NEGR1: variants seen among roughly 807,000 people sequenced by gnomAD.
NEGR1 encodes the protein neuronal growth regulator 1.
Under a neutral mutation model 40.9 loss-of-function variants are expected in NEGR1, and 10 were observed. The observed-to-expected ratio is 0.24, with a 90% CI of 0.15 to 0.42. The LOEUF is 0.42. Ranked by LOEUF, NEGR1 falls within the 10% of genes least tolerant of loss-of-function variation. The probability of loss-of-function intolerance (pLI) is 1.00; values close to 1 mark genes in which losing one functional copy is unlikely to be tolerated. For synonymous variants in NEGR1, 185 were observed against 166.8 expected, an observed-to-expected ratio of 1.11 and a Z score of -0.84; for missense variants, 352 against 438.9, an observed-to-expected ratio of 0.80 and a Z score of 1.77.
At chr1:72,102,393 T>G (rs2100247882) in intron 1 of NEGR1, among the ~76,000 whole-genome samples, 1 of 152,108 alleles carries the variant, frequency 6.6e-6, no homozygotes, top group South Asian at 2.1e-4. Context: ...AAGTGCCAAT[T>G]TAGCATAAAT....
At chr1:71,595,872 T>C (rs1260426965) in intron 5 of NEGR1, among the ~76,000 whole-genome samples, 2 of 152,216 alleles carry the variant, frequency 1.3e-5, no homozygotes, top group Non-Finnish European at 2.9e-5. Context: ...AACCAAATAA[T>C]GATAAAAGAG....
chr1:71,446,578 G>T (rs1646584070), intron 6 of NEGR1, among the ~76,000 whole-genome samples: 1 of 152,130 alleles, frequency 6.6e-6, no homozygotes, highest in African/African-American at 2.4e-5. Context: ...AATTTAGTTA[G>T]CATGTTTAGT....
chr1:71,821,080 C>A (rs765152280), intron 2 of NEGR1, among the ~76,000 whole-genome samples: 35 of 152,042 alleles, frequency 2.3e-4, no homozygotes, highest in Non-Finnish European at 4.4e-4. Context: ...TCAGAAAAGA[C>A]AATCAGAAAC....
intron 6 of NEGR1, chr1:71,489,798 T>G (rs2101383243): frequency 6.6e-6 from 1 of 151,994 alleles, no homozygotes; most frequent in Non-Finnish European, 1.5e-5. Flanking sequence ...TTAAGTTACT[T>G]TAAATTAGGA....
intron 6 of NEGR1, among the ~76,000 whole-genome samples, chr1:71,560,318 C>T (rs1443992497): frequency 6.7e-6 from 1 of 150,306 alleles, no homozygotes. Flanking sequence ...AATTTCTTAC[C>T]TTCCCAATAT....
At chr1:72,180,353 T>C (rs1406537279) in intron 1 of NEGR1, among the ~76,000 whole-genome samples, 3 of 151,040 alleles carry the variant, frequency 2.0e-5, no homozygotes, top group Admixed American at 2.0e-4. Flanking sequence ...CCAAAAACTA[T>C]AACATTCATA....
At chr1:71,922,487 T>A (rs749209558) in intron 2 of NEGR1, among the ~76,000 whole-genome samples, 1 of 152,208 alleles carries the variant, frequency 6.6e-6, no homozygotes, top group Non-Finnish European at 1.5e-5. Flanking sequence ...ATACGATTAT[T>A]TTCAATTATG....
chr1:71,538,088 T>C (rs1157467212), intron 6 of NEGR1, among the ~76,000 whole-genome samples: 4 of 151,634 alleles, frequency 2.6e-5, no homozygotes, highest in Non-Finnish European at 5.9e-5. Context: ...TTTTCAATAG[T>C]TATGTGGGAA....
intron 2 of NEGR1, among the ~76,000 whole-genome samples, chr1:71,869,883 CTTTTTTT>C (rs140029802): frequency 7.3e-6 from 1 of 136,062 alleles, no homozygotes; most frequent in Admixed American, 7.4e-5. Flanking sequence ...TTCTTTCTTT[CTTTTTTT>C]TTTTTTTTTG....
chr1:71,617,718 A>T (rs1650489990), intron 4 of NEGR1, among the ~76,000 whole-genome samples: 1 of 152,168 alleles, frequency 6.6e-6, no homozygotes, highest in African/African-American at 2.4e-5. Context: ...ATGTGATTAA[A>T]ATTACCAACC....
intron 1 of NEGR1, among the ~76,000 whole-genome samples, chr1:72,189,308 G>A (rs1208479038): frequency 6.6e-6 from 1 of 151,462 alleles, no homozygotes; most frequent in African/African-American, 2.4e-5. Flanking sequence ...TACAACTGAT[G>A]TACTTGGAAT....
At chr1:71,463,421 C>G (rs1417188931) in intron 6 of NEGR1, 1 of 152,068 alleles carries the variant, frequency 6.6e-6, no homozygotes. Flanking sequence ...TTTTGTGTCA[C>G]GTTTGAACAG....
At chr1:72,101,367 T>C (rs1443111569) in intron 1 of NEGR1, among the ~76,000 whole-genome samples, 1 of 152,132 alleles carries the variant, frequency 6.6e-6, no homozygotes, top group Non-Finnish European at 1.5e-5. Flanking sequence ...GAGACCATAA[T>C]ATACTTAACA....
At chr1:72,275,239 A>G in intron 1 of NEGR1, 2 of 579,882 alleles carry the variant, frequency 3.4e-6, no homozygotes, top group Admixed American at 3.0e-5. Context: ...ATTTATTCAT[A>G]ATGATCTTAA....
At chr1:71,683,336 G>C (rs1652904145) in intron 4 of NEGR1, among the ~76,000 whole-genome samples, 1 of 151,774 alleles carries the variant, frequency 6.6e-6, no homozygotes, top group Non-Finnish European at 1.5e-5. Context: ...ATCAAAATGG[G>C]CATTCAAAGA....
Position 71,935,239 on chromosome 1 carries a change from A to G in NEGR1, c.249T>C (p.Asp83=), listed in dbSNP as rs886236077. Reference sequence around the variant, plus strand: ...AAACTCGAGGATCCACTGACCACTTATCACCTCCCGCAAAAATAATACTTG... The same window carrying G: ...AAACTCGAGGATCCACTGACCACTTGTCACCTCCCGCAAAAATAATACTTG... ...NRSSIIFAGG[D]KWSVDPRVSI... The change falls in exon 2 of 7, where the codon GAT becomes GAC. Residue 83 remains aspartate, a synonymous_variant. Coordinates refer to ENST00000357731, the MANE Select transcript of NEGR1 (RefSeq NM_173808.3). 19 of 1,613,912 alleles carry G rather than the reference A, an allele frequency of 1.2e-5. No homozygotes were observed. Among genetic ancestry groups the G allele is most frequent in the East Asian group, 2.2e-5 (1 of 44,882 alleles).
chr1:71,909,618 G>A (rs554164612), intron 2 of NEGR1, among the ~76,000 whole-genome samples: 1 of 152,168 alleles, frequency 6.6e-6, no homozygotes, highest in Admixed American at 6.5e-5. Flanking sequence ...AAAGAGTAAT[G>A]AATTGTCAGT....
intron 1 of NEGR1, among the ~76,000 whole-genome samples, chr1:72,066,721 C>A (rs1255182802): frequency 6.6e-6 from 1 of 152,158 alleles, no homozygotes; most frequent in East Asian, 1.9e-4. Context: ...CCGGAGAAAC[C>A]ACCACTGCCG....
intron 6 of NEGR1, chr1:71,409,029 A>C (rs547541714): frequency 2.6e-5 from 4 of 152,038 alleles, no homozygotes; most frequent in African/African-American, 9.7e-5. Flanking sequence ...GGATTTGAAC[A>C]CTGAGACTAC....
Sources: allele counts gnomAD v4.1 joint callset (sites outside exome capture counted in the v4.1 genomes callset), GRCh38; gene constraint gnomAD v4.1.1; transcripts MANE v1.5; gene names NCBI Gene and HGNC (gene_info 2026-07-23, HGNC 2026-07-21).